Variants in RBPJ observed in about 807,000 individuals in gnomAD.
RBPJ encodes recombining binding protein suppressor of hairless.
A neutral mutation model predicts 67.8 loss-of-function variants in RBPJ; 9 were observed. That is an observed-to-expected ratio of 0.13 (90% CI 0.08 to 0.23). The LOEUF is 0.23. RBPJ is among the 10% of genes least tolerant of loss of function. RBPJ has a pLI of 1.00. For missense variants in RBPJ, 305 were observed against 595.6 expected (o/e 0.51, Z 5.08); for synonymous variants, 198 against 203.3 (o/e 0.97, Z 0.22).
chr4:26,359,962 A>G (rs1727868099), intron 1 of RBPJ, among the ~76,000 whole-genome samples: 1 of 152,222 alleles, frequency 6.6e-6, no homozygotes, highest in Non-Finnish European at 1.5e-5. Context: ...TAAATTCAGT[A>G]GTCAAAACCA....
At chr4:26,213,977 T>C (rs1185521617) in intron 1 of RBPJ, among the ~76,000 whole-genome samples, 5 of 151,960 alleles carry the variant, frequency 3.3e-5, no homozygotes, top group African/African-American at 9.7e-5. Context: ...GTTTGCACAA[T>C]GGAGTGGATG....
chr4:26,111,553 A>G, the RBPJ span, among the ~76,000 whole-genome samples: 16,274 of 152,150 alleles, frequency 0.11, 1,152 homozygotes, highest in Non-Finnish European at 0.15. Context: ...TGGGGAAAAA[A>G]ACTCTACGAT....
the RBPJ span, among the ~76,000 whole-genome samples, chr4:26,146,531 A>C: frequency 6.6e-6 from 1 of 152,236 alleles, no homozygotes; most frequent in South Asian, 2.1e-4. Flanking sequence ...GTAAAAGAAT[A>C]CATTGATCAG....
Position 26,430,759 on chromosome 4 carries a change from C to A in RBPJ, c.1216C>A (p.Arg406=), listed in dbSNP as rs1435158342. ...SAFREGWRWV[R]QPVQVPVTLV... Reference sequence around the variant, plus strand: ...ATTCCGAGAAGGTTGGAGATGGGTCCGGCAACCAGTCCAGGTTCCAGTAAC... The same window carrying A: ...ATTCCGAGAAGGTTGGAGATGGGTCAGGCAACCAGTCCAGGTTCCAGTAAC... Residue 406 remains arginine (R), a synonymous_variant, in exon 11 of 11, where the codon CGG becomes AGG. Transcript: ENST00000355476. This position sits in a 1 kb window ranked among gnomAD's most constrained non-coding sequence, Gnocchi z 4.1. 35 of 1,613,872 alleles carry A rather than the reference C, an allele frequency of 2.2e-5. 1 individual carries two copies. The East Asian group carries it at 7.8e-4, about 36-fold the overall frequency.
Position 26,335,617 on chromosome 4 carries a change from CTT to C in RBPJ, c.20+14588_20+14589del, listed in dbSNP as rs34386877. Among the ~76,000 whole-genome samples, 712 of 107,814 alleles carry C rather than the reference CTT, an allele frequency of 6.6e-3. 4 individuals carry two copies. Among genetic ancestry groups the C allele is most frequent in the African/African-American group, 0.022 (651 of 29,702 alleles). 70.7% of individuals were successfully genotyped at this position (107,814 alleles called of 152,430 possible). A position where few individuals can be genotyped will look rare whatever the true frequency, so the allele number is the denominator to read the frequency against. ...TTCCCCAGCCCACATATGCTTACTT[CTT>C]TTTTTTTTTTTTTTTTTTGAGCCGG... On this transcript the variant is annotated intron_variant, in intron 1 of 10. Coordinates refer to ENST00000355476, the MANE Select transcript of RBPJ (RefSeq NM_015874.6).
chr4:26,272,667 G>A (rs1720953031), intron 1 of RBPJ: 2 of 451,420 alleles, frequency 4.4e-6, no homozygotes, highest in Middle Eastern at 3.3e-4. Context: ...TTTTTCCAAA[G>A]TGATTCATTC....
chr4:26,151,670 T>C, the RBPJ span, among the ~76,000 whole-genome samples: 1 of 152,204 alleles, frequency 6.6e-6, no homozygotes, highest in Non-Finnish European at 1.5e-5. Flanking sequence ...CACCGGCCGA[T>C]GACAGCCTTC....
intron 1 of RBPJ, among the ~76,000 whole-genome samples, chr4:26,360,466 T>G (rs1335211161): frequency 6.6e-6 from 1 of 152,152 alleles, no homozygotes; most frequent in Non-Finnish European, 1.5e-5. Context: ...CGGGCTTTGG[T>G]GGTAAAGTGA....
In RBPJ at chr4:26,432,840, G is replaced by C. The variant is rs1337022998; in HGVS notation, c.*1833G>C. On this transcript the variant is annotated 3_prime_UTR_variant, in exon 11 of 11. Coordinates refer to ENST00000355476, the MANE Select transcript of RBPJ (RefSeq NM_015874.6). ...TGGTGTCCTGGGCTGTTTTGAAAAA[G>C]TTTCCATTAATAGACTTTTTAGAAA... 6.6e-6 allele frequency: 1 copy of C among 152,100 alleles called. No homozygotes were observed. Among genetic ancestry groups the C allele is most frequent in the African/African-American group, 2.4e-5 (1 of 41,418 alleles). The allele number at this position is 152,100 out of a possible 1,614,324, so 9.4% of individuals were successfully genotyped here.
intron 1 of RBPJ, among the ~76,000 whole-genome samples, chr4:26,267,107 C>A (rs1720726372): frequency 6.6e-6 from 1 of 152,112 alleles, no homozygotes; most frequent in South Asian, 2.1e-4. Context: ...ACACAGAAGC[C>A]CAGTATTGAC....
At chr4:26,299,820 A>G (rs1190648311) in intron 1 of RBPJ, among the ~76,000 whole-genome samples, 1 of 151,810 alleles carries the variant, frequency 6.6e-6, no homozygotes, top group Non-Finnish European at 1.5e-5. Context: ...CTGGGATTAC[A>G]GATGCCTGCC....
At chr4:26,119,141 G>A in the RBPJ span, among the ~76,000 whole-genome samples, 1 of 152,160 alleles carries the variant, frequency 6.6e-6, no homozygotes, top group African/African-American at 2.4e-5. Context: ...ATAAAATACT[G>A]TAAGGAAAGC....
rs1453280553 is a variant in RBPJ at position 26,305,766 on chromosome 4, C to CTTTTCTTTTT, written c.-166-56675_-166-56666dup. Among the ~76,000 whole-genome samples, 31 of 57,636 alleles carry CTTTTCTTTTT rather than the reference C, an allele frequency of 5.4e-4. 1 individual carries two copies. Among genetic ancestry groups the CTTTTCTTTTT allele is most frequent in the African/African-American group, 2.2e-3 (30 of 13,472 alleles). 37.8% of individuals were successfully genotyped at this position (57,636 alleles called of 152,430 possible). On this transcript the variant is annotated intron_variant, in intron 1 of 4. Transcript: ENST00000512351. Reference sequence around the variant, plus strand: ...TTTTTAGTGGAGTTCTTAGAATTTTCTTTTCTTTTTTTTTTTTTTTTTTTT... The same window carrying CTTTTCTTTTT: ...TTTTTAGTGGAGTTCTTAGAATTTTCTTTTCTTTTTTTTTCTTTTTTTTTTTTTTTTTTTT...
At chr4:26,351,056 A>G (rs1366442473) in intron 1 of RBPJ, among the ~76,000 whole-genome samples, 1 of 151,984 alleles carries the variant, frequency 6.6e-6, no homozygotes, top group Admixed American at 6.5e-5. Context: ...ATGGAACACT[A>G]TATTATATAC....
upstream of RBPJ, among the ~76,000 whole-genome samples, chr4:26,162,077 G>C (rs765837075): frequency 9.2e-5 from 14 of 152,232 alleles, no homozygotes; most frequent in Admixed American, 3.3e-4. Flanking sequence ...CAAGCAAGGA[G>C]GTGATGGGGG....
At chr4:26,202,962 G>GAAGA (rs1431170153) in intron 1 of RBPJ, among the ~76,000 whole-genome samples, 1 of 95,324 alleles carries the variant, frequency 1.0e-5, no homozygotes, top group South Asian at 4.6e-4. Flanking sequence ...AGAAAGGAAG[G>GAAGA]AAGGAAATAA....
chr4:26,337,626 G>A (rs935825432), intron 1 of RBPJ, among the ~76,000 whole-genome samples: 2 of 149,742 alleles, frequency 1.3e-5, no homozygotes, highest in African/African-American at 4.9e-5. Flanking sequence ...TTTTTTCCAT[G>A]AGGTTATTGG....
At chr4:26,188,535 A>T (rs1419397744) in intron 1 of RBPJ, among the ~76,000 whole-genome samples, 2 of 152,230 alleles carry the variant, frequency 1.3e-5, no homozygotes, top group Non-Finnish European at 2.9e-5. Context: ...CAAGTTGAGA[A>T]AACAAAAATT....
intron 1 of RBPJ, among the ~76,000 whole-genome samples, chr4:26,268,219 A>G (rs1447991745): frequency 6.6e-6 from 1 of 152,168 alleles, no homozygotes; most frequent in Non-Finnish European, 1.5e-5. Context: ...TCAGAAAACC[A>G]TGTTCTTTGT....
Sources: gnomAD v4.1 joint callset for allele counts (sites outside exome capture counted in the v4.1 genomes callset) on GRCh38, gnomAD v4.1.1 for gene constraint, Gnocchi (gnomAD v3.1) non-coding constraint, MANE v1.5 for transcripts, NCBI Gene and HGNC (gene_info 2026-07-23, HGNC 2026-07-21) for gene names.